The following STK38 variants were observed in gnomAD, a reference collection of about 807,000 sequenced individuals.
The protein encoded by STK38 is serine/threonine-protein kinase 38.
In STK38, 26 loss-of-function variants were observed where a neutral mutation model predicts 59.0. That is an observed-to-expected ratio of 0.44 (90% CI 0.32 to 0.61). The LOEUF is 0.61. STK38 is among the 20% of genes least tolerant of loss of function. The probability of loss-of-function intolerance (pLI) is 0.04; values close to 1 mark genes in which losing one functional copy is unlikely to be tolerated. For missense variants in STK38, 433 were observed against 566.0 expected, an observed-to-expected ratio of 0.76 and a Z score of 2.38; for synonymous variants, 175 against 176.6, an observed-to-expected ratio of 0.99 and a Z score of 0.07.
chr6:36,537,894 G>A (rs906094134), intron 2 of STK38, among the ~76,000 whole-genome samples: 1 of 150,392 alleles, frequency 6.6e-6, no homozygotes, highest in South Asian at 2.1e-4. Flanking sequence ...ACAACACCCC[G>A]TCTCGACAAA....
At chr6:36,527,943 C>CAA (rs56805046) in intron 2 of STK38, among the ~76,000 whole-genome samples, 27 of 128,302 alleles carry the variant, frequency 2.1e-4, no homozygotes, top group African/African-American at 7.3e-4. Flanking sequence ...ACTAAAAATA[C>CAA]AAAAAAAAAA....
intron 2 of STK38, among the ~76,000 whole-genome samples, chr6:36,533,316 T>TG (rs1777714506): frequency 6.6e-6 from 1 of 152,296 alleles, no homozygotes; most frequent in African/African-American, 2.4e-5. Flanking sequence ...CGTGGCTTAC[T>TG]GTTCTTTAAT....
At position 36,495,750 on chromosome 6, in the gene STK38, ACT is replaced by A; in HGVS notation, c.*32_*33del. 6.2e-7 allele frequency: 1 copy of A among 1,612,682 alleles called. No homozygotes were observed. On this transcript the variant is annotated 3_prime_UTR_variant, in exon 14 of 14. Coordinates refer to ENST00000229812, the MANE Select transcript of STK38 (RefSeq NM_007271.4). ...GGAAAAGCATGATGTTATACAAAGA[ACT>A]CTGCTCCACATAGGATTCCGTGGCA...
rs1776742306 is a variant in STK38, at chr6:36,497,862, A to C, written c.1090T>G (p.Trp364Gly). ...CCAGGAGCTCCAATTCTATGTTCCC[A>C]TTCACAGCAGAACCTGGAAAAGACA... ...KDLILRFCCE[W>G]EHRIGAPGVE... Residue 364 changes from tryptophan (W) to glycine (G), a missense_variant, in exon 12 of 14, where the codon TGG becomes GGG. Trp to Gly is a radical substitution (Grantham distance 184). Transcript: ENST00000229812. The C allele has an allele frequency of 1.2e-6, 2 of 1,612,778 alleles. No individual in the cohort carries two copies. Among genetic ancestry groups the C allele is most frequent in the African/African-American group, 2.7e-5 (2 of 74,754 alleles).
chr6:36,542,639 G>C (rs148799875), intron 1 of STK38, among the ~76,000 whole-genome samples: 54 of 151,152 alleles, frequency 3.6e-4, no homozygotes, highest in Non-Finnish European at 7.4e-4. Context: ...GCGAGACTCA[G>C]TCTCAAAAAT....
intron 1 of STK38, among the ~76,000 whole-genome samples, chr6:36,541,377 C>G (rs1252207424): frequency 6.6e-6 from 1 of 151,950 alleles, no homozygotes; most frequent in Non-Finnish European, 1.5e-5. Context: ...TAAGACTAGC[C>G]TGGACAACAT....
Position 36,517,826 on chromosome 6 carries a change from A to C in STK38, c.405T>G (p.Arg135=), listed in dbSNP as rs1777292510. The stretch of plus-strand genomic sequence containing the variant: ...CCTCCACTAGAATGTCACGCTCCGC[A>C]CGAATGTGGCCAACCTGGAGGTATA... ...MLEKEQVGHI[R]AERDILVEAD... The change falls in exon 6 of 14, where the codon CGT becomes CGG. Residue 135 remains arginine (R), a synonymous_variant. Transcript: ENST00000229812. 1.9e-6 allele frequency: 3 copies of C among 1,613,888 alleles called. No homozygotes were observed. The highest frequency in any genetic ancestry group is 2.2e-5 in the South Asian group (2 of 91,068).
intron 7 of STK38, among the ~76,000 whole-genome samples, chr6:36,513,849 A>T (rs1328717578): frequency 9.6e-5 from 7 of 73,230 alleles, no homozygotes; most frequent in African/African-American, 2.6e-4. Context: ...ACTAAAAATT[A>T]AAAAAAAAAA....
chr6:36,502,731 G>A (rs957591150), intron 9 of STK38, among the ~76,000 whole-genome samples: 2 of 152,060 alleles, frequency 1.3e-5, no homozygotes, highest in African/African-American at 2.4e-5. Context: ...ACTCCTCCTC[G>A]TCTCTCCTGC....
At chr6:36,500,759 A>C (rs1274946806) in intron 9 of STK38, among the ~76,000 whole-genome samples, 1 of 66,332 alleles carries the variant, frequency 1.5e-5, no homozygotes, top group African/African-American at 8.4e-5. Context: ...ACTCTGTCTC[A>C]AAAAAAAAAA....
At chr6:36,501,401 T>C (rs1776835366) in intron 9 of STK38, among the ~76,000 whole-genome samples, 1 of 152,170 alleles carries the variant, frequency 6.6e-6, no homozygotes, top group Admixed American at 6.5e-5. Flanking sequence ...TTAAATATTA[T>C]ATAATTTTTT....
At position 36,493,922 on chromosome 6, in the gene STK38, A is replaced by C. The variant is rs2127463496; in HGVS notation, c.*1862T>G. 1 of 152,306 alleles carries C rather than the reference A, an allele frequency of 6.6e-6. No homozygotes were observed. Among genetic ancestry groups the C allele is most frequent in the South Asian group, 2.1e-4 (1 of 4,828 alleles). 9.4% of individuals were successfully genotyped at this position (152,306 alleles called of 1,614,324 possible). A position where few individuals can be genotyped will look rare whatever the true frequency, so the allele number is the denominator to read the frequency against. ...TTACACAGTTTATTCAGAAGTTTAAAAGTTAAAATGTGGGCATTTTCCCCT... is the reference window on the plus strand; with the variant it reads ...TTACACAGTTTATTCAGAAGTTTAACAGTTAAAATGTGGGCATTTTCCCCT... On this transcript the variant is annotated 3_prime_UTR_variant, in exon 14 of 14. Coordinates refer to ENST00000229812, the MANE Select transcript of STK38 (RefSeq NM_007271.4).
chr6:36,532,953 T>C (rs1457476117), intron 2 of STK38, among the ~76,000 whole-genome samples: 1 of 150,696 alleles, frequency 6.6e-6, no homozygotes, highest in African/African-American at 2.4e-5. Context: ...GCTCCTGTAA[T>C]CCCAGCTACT....
chr6:36,545,289 G>GGA (rs1778031640), intron 1 of STK38, among the ~76,000 whole-genome samples: 4 of 60,522 alleles, frequency 6.6e-5, no homozygotes, highest in African/African-American at 2.6e-4. Context: ...ACTCCGTCTG[G>GGA]AAAAAAAAAA....
intron 1 of STK38, among the ~76,000 whole-genome samples, chr6:36,546,490 C>T (rs1301039756): frequency 6.6e-6 from 1 of 152,136 alleles, no homozygotes; most frequent in Non-Finnish European, 1.5e-5. Flanking sequence ...TCACTCCAAC[C>T]CTCCTCGGTG....
chr6:36,540,028 A>G, intron 2 of STK38, 44 bp downstream of exon 2: 1 of 1,609,972 alleles, frequency 6.2e-7, no homozygotes, highest in African/African-American at 1.3e-5. Context: ...ACGAGAAAGG[A>G]ATGCCACAAC....
intron 11 of STK38, 28 bp downstream of exon 11, chr6:36,498,335 A>T: frequency 6.3e-7 from 1 of 1,582,168 alleles, no homozygotes; most frequent in South Asian, 1.2e-5. Flanking sequence ...AAAGCTGAGA[A>T]AGAAGGTGGA....
At chr6:36,500,356 A>G (rs853884) in intron 9 of STK38, among the ~76,000 whole-genome samples, 143,126 of 152,140 alleles carry the variant, frequency 0.94, 67,416 homozygotes, top group African/African-American at 0.99. Flanking sequence ...TAATCCTGAC[A>G]AAACTTTTCC....
In STK38 at chr6:36,496,818, C is replaced by T; in HGVS notation, c.1173-13G>A. 1.9e-6 allele frequency: 3 copies of T among 1,591,072 alleles called. No individual in the cohort carries two copies. The highest frequency in any genetic ancestry group is 1.3e-5 in the African/African-American group (1 of 74,366). ...AGCAGGTCTCTCTCTGCCAAGAATA[C>T]ACATGCCAAAAATTACTAAGTTAGT... On this transcript the variant is annotated splice_polypyrimidine_tract_variant and intron_variant, in intron 12 of 13. Coordinates refer to ENST00000229812, the MANE Select transcript of STK38 (RefSeq NM_007271.4).
Sources: allele counts gnomAD v4.1 joint callset (sites outside exome capture counted in the v4.1 genomes callset), GRCh38; gene constraint gnomAD v4.1.1; transcripts MANE v1.5; gene names NCBI Gene and HGNC (gene_info 2026-07-23, HGNC 2026-07-21).